Variants in APPL2 observed in about 807,000 individuals in gnomAD.
APPL2 encodes adaptor protein, phosphotyrosine interacting with PH domain and leucine zipper 2.
APPL2 carries 84 observed loss-of-function variants against 92.7 expected under a neutral mutation model. The observed-to-expected ratio is 0.91, with a 90% CI of 0.76 to 1.09. The LOEUF (loss-of-function observed/expected upper bound fraction) is 1.09. Among genes scored for constraint, APPL2 ranks in the 50% least tolerant of loss-of-function variants. APPL2 has a pLI of 0.00. For missense variants in APPL2, 736 were observed against 824.5 expected (o/e 0.89, Z 1.31); for synonymous variants, 291 against 291.0 (o/e 1.00, Z 0.00).
chr12:105,214,309 T>G (rs189686554), intron 4 of APPL2, among the ~76,000 whole-genome samples: 1 of 152,354 alleles, frequency 6.6e-6, no homozygotes, highest in Admixed American at 6.5e-5. Context: ...CTGGAAATCT[T>G]GCTTCTGGGG....
At chr12:105,205,805 G>A (rs1039021819) in intron 8 of APPL2, among the ~76,000 whole-genome samples, 1 of 152,234 alleles carries the variant, frequency 6.6e-6, no homozygotes, top group Admixed American at 6.5e-5. Context: ...CTGCAGGAGA[G>A]GGGAGGGCAA....
intron 1 of APPL2, chr12:105,229,735 T>G: frequency 5.1e-6 from 5 of 986,582 alleles, no homozygotes; most frequent in Non-Finnish European, 6.0e-6. Context: ...GAGTGTGTCA[T>G]TCTTTCCTCT....
chr12:105,189,907 AAC>A (rs1420503447), intron 15 of APPL2, 82 bp downstream of exon 15: 2 of 1,611,464 alleles, frequency 1.2e-6, no homozygotes, highest in African/African-American at 1.3e-5. Context: ...TCAGAATGGC[AAC>A]AGTCTTTGGT....
chr12:105,207,993 G>C lies in APPL2; in HGVS notation c.452C>G (p.Pro151Arg), dbSNP rs754745034. The change falls in exon 7 of 21, where the codon CCT (proline) becomes CGT (arginine). Residue 151 changes from proline (P) to arginine (R), a missense_variant. Transcript: ENST00000258530. ...TACCTTCTCATTCTCCTTTTTCTTAGGCAGCCTGCTGTATTTTGCCATTGA... is the reference window on the plus strand; with the variant it reads ...TACCTTCTCATTCTCCTTTTTCTTACGCAGCCTGCTGTATTTTGCCATTGA... ...DLSMAKYSRL[P>R]KKKENEKVKT... 5 of 1,613,902 alleles carry C rather than the reference G, an allele frequency of 3.1e-6. No homozygotes were observed. Among genetic ancestry groups the C allele is most frequent in the Middle Eastern group, 1.7e-4 (1 of 6,060 alleles).
intron 5 of APPL2, among the ~76,000 whole-genome samples, chr12:105,209,162 C>G (rs1889009519): frequency 6.6e-6 from 1 of 151,968 alleles, no homozygotes; most frequent in Non-Finnish European, 1.5e-5. Context: ...CTCTTGCGTT[C>G]TCTTCATTCA....
At chr12:105,189,339 G>A (rs1042404429) in intron 16 of APPL2, among the ~76,000 whole-genome samples, 7 of 152,086 alleles carry the variant, frequency 4.6e-5, no homozygotes, top group African/African-American at 9.7e-5. Flanking sequence ...CATCAGATAC[G>A]TTCTTAAGTA....
chr12:105,210,678 G>A (rs1351147772), intron 5 of APPL2, among the ~76,000 whole-genome samples: 1 of 152,158 alleles, frequency 6.6e-6, no homozygotes, highest in Non-Finnish European at 1.5e-5. Context: ...CTGACTCACA[G>A]ATTCCCTTAC....
intron 17 of APPL2, among the ~76,000 whole-genome samples, chr12:105,181,933 T>C (rs1592756526): frequency 6.6e-6 from 1 of 152,242 alleles, no homozygotes; most frequent in East Asian, 1.9e-4. Flanking sequence ...TCATTGATTT[T>C]TGAAGGGTTT....
rs1353571658 is a variant in APPL2, at chr12:105,211,255, T to C, written c.348A>G (p.Ile116Met). Residue 116 changes from isoleucine to methionine, a missense_variant, in exon 5 of 21, where the codon ATA becomes ATG. Coordinates refer to ENST00000258530, the MANE Select transcript of APPL2 (RefSeq NM_018171.5). ...CTGTGAGATCCTTTTCTCGGAATTG[T>C]ATGATAGGTAGAACCATTGTGTCTG... The part of the protein sequence containing the change: ...QLADTMVLPI[I>M]QFREKDLTEV... 6.2e-7 allele frequency: 1 copy of C among 1,613,792 alleles called. No homozygotes were observed. The highest frequency in any genetic ancestry group is 1.3e-5 in the African/African-American group (1 of 74,938).
intron 4 of APPL2, among the ~76,000 whole-genome samples, chr12:105,213,589 C>A (rs765909984): frequency 6.6e-6 from 1 of 152,180 alleles, no homozygotes; most frequent in African/African-American, 2.4e-5. Flanking sequence ...AATCACCATG[C>A]GTGGAAATCT....
At chr12:105,210,425 T>A (rs144369756) in intron 5 of APPL2, among the ~76,000 whole-genome samples, 184 of 152,362 alleles carry the variant, frequency 1.2e-3, no homozygotes, top group African/African-American at 4.2e-3. Flanking sequence ...AACTTGTTTA[T>A]ATCAGTGTTC....
chr12:105,176,881 C>T lies in APPL2; in HGVS notation c.1807G>A (p.Glu603Lys), dbSNP rs777023806. Residue 603 changes from glutamate to lysine, a missense_variant, in exon 19 of 21, where the codon GAA (glutamate) becomes AAA (lysine). Coordinates refer to ENST00000258530, the MANE Select transcript of APPL2 (RefSeq NM_018171.5). ...TCTTCACATGAAAAAGAGACCTTTT[C>T]GCCTTCTGAGTTGCTTTCAAAAATG... ...TYIFESNSEG[E>K]KICYAINLGK... 16 of 1,613,526 alleles carry T rather than the reference C, an allele frequency of 9.9e-6. No homozygotes were observed. In the African/African-American group the frequency reaches 1.2e-4, roughly 12 times the overall value.
At chr12:105,198,617 T>G (rs1887874125) in intron 10 of APPL2, among the ~76,000 whole-genome samples, 1 of 152,180 alleles carries the variant, frequency 6.6e-6, no homozygotes. Context: ...TTTACTTGGC[T>G]CAGTATTTAC....
intron 17 of APPL2, among the ~76,000 whole-genome samples, chr12:105,181,173 G>A (rs534866146): frequency 2.6e-5 from 4 of 152,254 alleles, no homozygotes; most frequent in African/African-American, 9.6e-5. Flanking sequence ...GCATGAAGGG[G>A]TGTTGAATTT....
chr12:105,195,322 C>T lies in APPL2; in HGVS notation c.1180G>A (p.Ala394Thr), dbSNP rs748958008. ...GTAATGGGAGTCACTGCTTGCAGAG[C>T]GGTCTGATTCAACTTGATCGCGACT... is the stretch of plus-strand genomic sequence containing the variant. ...EAVAIKLNQT[A>T]LQAVTPITSF... Residue 394 changes from alanine to threonine, a missense_variant, in exon 14 of 21, where the codon GCT becomes ACT. Physicochemically the swap from Ala to Thr is moderately conservative, Grantham distance 58. Transcript: ENST00000258530. 3.7e-6 allele frequency: 6 copies of T among 1,614,132 alleles called. No homozygotes were observed. The highest frequency in any genetic ancestry group is 4.5e-5 in the East Asian group (2 of 44,890).
intron 17 of APPL2, among the ~76,000 whole-genome samples, chr12:105,186,276 C>G (rs751473762): frequency 2.6e-5 from 4 of 152,120 alleles, no homozygotes; most frequent in Non-Finnish European, 5.9e-5. Context: ...ATGAGCATCT[C>G]TTTTGAGCAT....
chr12:105,234,880 C>T (rs898864790), intron 1 of APPL2, among the ~76,000 whole-genome samples: 2 of 151,970 alleles, frequency 1.3e-5, no homozygotes, highest in African/African-American at 4.8e-5. Context: ...AGCTTGCTTC[C>T]AGTTCCTTAC....
intron 1 of APPL2, 138 bp from the exon 2 acceptor site, chr12:105,229,361 T>C (rs1420620530): frequency 1.1e-6 from 1 of 892,594 alleles, no homozygotes; most frequent in East Asian, 2.7e-5. Context: ...CTGGCTTCTT[T>C]TATTGATAGT....
chr12:105,197,638 G>A, intron 11 of APPL2, 127 bp downstream of exon 11: 1 of 1,170,160 alleles, frequency 8.5e-7, no homozygotes, highest in Non-Finnish European at 1.2e-6. Context: ...CCTCCTGAAA[G>A]GTCAACAATA....
Sources: allele counts gnomAD v4.1 joint callset (sites outside exome capture counted in the v4.1 genomes callset), GRCh38; gene constraint gnomAD v4.1.1; transcripts MANE v1.5; gene names NCBI Gene and HGNC (gene_info 2026-07-23, HGNC 2026-07-21).